KCTD1: variants seen among roughly 807,000 people sequenced by gnomAD.
The protein encoded by KCTD1 is BTB/POZ domain-containing protein KCTD1.
A neutral mutation model predicts 66.0 loss-of-function variants in KCTD1; 24 were observed. The observed-to-expected ratio is 0.36, with a 90% CI of 0.26 to 0.51. The LOEUF (loss-of-function observed/expected upper bound fraction) is 0.51, where lower values mean the gene tolerates loss of function less well. Among genes scored for constraint, KCTD1 ranks in the 20% least tolerant of loss-of-function variants. The pLI is 0.95. For synonymous variants in KCTD1, 511 were observed against 517.2 expected (o/e 0.99, Z 0.16); for missense variants, 943 against 1,205.2 (o/e 0.78, Z 3.22).
At chr18:26,545,952 ACT>A (rs1445688420) in intron 1 of KCTD1, among the ~76,000 whole-genome samples, 1 of 151,742 alleles carries the variant, frequency 6.6e-6, no homozygotes, top group African/African-American at 2.4e-5. Flanking sequence ...CTGGGATAGC[ACT>A]CTTACTCTAA....
intron 1 of KCTD1, among the ~76,000 whole-genome samples, chr18:26,540,292 T>C (rs1984914979): frequency 6.6e-6 from 1 of 152,238 alleles, no homozygotes; most frequent in African/African-American, 2.4e-5. Context: ...CCTCCTCTTG[T>C]TGCCTAGAGG....
chr18:26,636,839 C>T (rs1011971457), intron 1 of KCTD1, among the ~76,000 whole-genome samples: 1 of 152,216 alleles, frequency 6.6e-6, no homozygotes, highest in Non-Finnish European at 1.5e-5. Flanking sequence ...GGGGCCTGGA[C>T]ATCCAACAGC....
intron 1 of KCTD1, among the ~76,000 whole-genome samples, chr18:26,514,187 G>A (rs186801291): frequency 2.6e-5 from 4 of 152,230 alleles, no homozygotes; most frequent in South Asian, 4.1e-4. Context: ...ATAAAGTAAC[G>A]ATCTCTTGTA....
At chr18:26,586,545 A>C (rs941437916) in intron 1 of KCTD1, among the ~76,000 whole-genome samples, 1 of 152,218 alleles carries the variant, frequency 6.6e-6, no homozygotes, top group Non-Finnish European at 1.5e-5. Context: ...AAAAAACTAG[A>C]AATGATGAAG....
chr18:26,480,061 T>TTTTTTTA (rs1382612355), intron 2 of KCTD1, among the ~76,000 whole-genome samples: 1 of 143,174 alleles, frequency 7.0e-6, no homozygotes, highest in African/African-American at 2.5e-5. Context: ...TTTTTTTTTT[T>TTTTTTTA]CACTCATTGA....
At chr18:26,484,646 A>G (rs890592736) in intron 2 of KCTD1, among the ~76,000 whole-genome samples, 9 of 152,328 alleles carry the variant, frequency 5.9e-5, no homozygotes, top group African/African-American at 1.9e-4. Flanking sequence ...TGACATAAGT[A>G]GACTTTTTGT....
intron 1 of KCTD1, among the ~76,000 whole-genome samples, chr18:26,647,468 C>T (rs960738340): frequency 1.6e-5 from 2 of 127,238 alleles, no homozygotes; most frequent in Non-Finnish European, 3.1e-5. Flanking sequence ...TGCGGTGAGC[C>T]GAGATCATGC....
intron 1 of KCTD1, among the ~76,000 whole-genome samples, chr18:26,565,064 A>C (rs1985950935): frequency 6.6e-6 from 1 of 152,196 alleles, no homozygotes; most frequent in South Asian, 2.1e-4. Context: ...CTTTTCTTTA[A>C]AGAGTAGCTA....
intron 1 of KCTD1, among the ~76,000 whole-genome samples, chr18:26,540,561 C>G (rs1984930055): frequency 6.6e-6 from 1 of 152,164 alleles, no homozygotes. Context: ...CTCTGCCACC[C>G]CTCAAACAGC....
At chr18:26,498,927 A>G (rs1982617449) in intron 2 of KCTD1, among the ~76,000 whole-genome samples, 1 of 152,240 alleles carries the variant, frequency 6.6e-6, no homozygotes, top group African/African-American at 2.4e-5. Flanking sequence ...CTGAATGAAT[A>G]GAGCCTCTCT....
chr18:26,636,784 C>T (rs1007900452), intron 1 of KCTD1, among the ~76,000 whole-genome samples: 3 of 152,184 alleles, frequency 2.0e-5, no homozygotes, highest in African/African-American at 7.2e-5. Context: ...TTCAGAGAAA[C>T]CCAAAGTGTT....
intron 1 of KCTD1, among the ~76,000 whole-genome samples, chr18:26,546,455 T>C (rs1027333202): frequency 1.7e-4 from 26 of 152,224 alleles, no homozygotes; most frequent in African/African-American, 6.0e-4. Flanking sequence ...AAGAGTGAGC[T>C]AATCCTTTTG....
chr18:26,608,310 T>A (rs1368520024), intron 1 of KCTD1, among the ~76,000 whole-genome samples: 1 of 152,238 alleles, frequency 6.6e-6, no homozygotes, highest in Non-Finnish European at 1.5e-5. Context: ...AGAGTGGAGA[T>A]GGCTGAGAAA....
intron 2 of KCTD1, among the ~76,000 whole-genome samples, chr18:26,485,809 C>A (rs1457099384): frequency 6.6e-6 from 1 of 152,040 alleles, no homozygotes; most frequent in Non-Finnish European, 1.5e-5. Flanking sequence ...TAATTTAAAA[C>A]TCCATAATGT....
intron 1 of KCTD1, among the ~76,000 whole-genome samples, chr18:26,610,420 A>G (rs1024737169): frequency 2.6e-5 from 4 of 152,148 alleles, no homozygotes; most frequent in Admixed American, 6.5e-5. Context: ...AAAAATAAAA[A>G]TAAAAAATTT....
intron 3 of KCTD1, chr18:26,460,782 C>G (rs150927696): frequency 6.6e-6 from 1 of 152,108 alleles, no homozygotes; most frequent in Admixed American, 6.5e-5. Context: ...AGAAACCTAA[C>G]AAAACAGGTA....
intron 2 of KCTD1, among the ~76,000 whole-genome samples, chr18:26,498,794 T>C (rs943799173): frequency 3.3e-5 from 5 of 152,120 alleles, no homozygotes; most frequent in African/African-American, 9.7e-5. Flanking sequence ...AATAGACTCT[T>C]AGAAATATCC....
intron 1 of KCTD1, chr18:26,543,662 CAG>C (rs1265719147): frequency 2.0e-5 from 3 of 152,256 alleles, no homozygotes; most frequent in Admixed American, 6.5e-5. Flanking sequence ...AAAACACAAA[CAG>C]GGGATGTGTA....
At chr18:26,566,830 T>TGA (rs1985992575) in intron 1 of KCTD1, 1 of 114,378 alleles carries the variant, frequency 8.7e-6, no homozygotes, top group African/African-American at 3.6e-5. Flanking sequence ...AGGCAAGATC[T>TGA]AAAAAAAAAA....
Sources: gnomAD v4.1 joint callset for allele counts (sites outside exome capture counted in the v4.1 genomes callset) on GRCh38, gnomAD v4.1.1 for gene constraint, MANE v1.5 for transcripts, NCBI Gene and HGNC (gene_info 2026-07-23, HGNC 2026-07-21) for gene names.